PHTF2: variants seen among roughly 807,000 people sequenced by gnomAD.
PHTF2 encodes the protein putative homeodomain transcription factor 2.
In PHTF2, 60 loss-of-function variants were observed where a neutral mutation model predicts 101.2. That is an observed-to-expected ratio of 0.59 (90% CI 0.48 to 0.73). The LOEUF (loss-of-function observed/expected upper bound fraction) is 0.73. PHTF2 is among the 30% of genes least tolerant of loss of function. PHTF2 has a pLI of 0.00. For missense variants in PHTF2, 747 were observed against 908.7 expected, an observed-to-expected ratio of 0.82 and a Z score of 2.29; for synonymous variants, 311 against 307.3, an observed-to-expected ratio of 1.01 and a Z score of -0.13.
intron 3 of PHTF2, among the ~76,000 whole-genome samples, chr7:77,893,072 A>T: frequency 6.6e-6 from 1 of 152,344 alleles, no homozygotes; most frequent in Middle Eastern, 3.4e-3. Flanking sequence ...TCAACATCAG[A>T]ATCATCAAGA....
chr7:77,814,080 A>G (rs1584369667), intron 1 of PHTF2, among the ~76,000 whole-genome samples: 1 of 152,366 alleles, frequency 6.6e-6, no homozygotes. Context: ...AACACAATTC[A>G]GTCCTCATTT....
chr7:77,817,798 G>GT (rs1450087500), intron 1 of PHTF2, among the ~76,000 whole-genome samples: 1 of 152,066 alleles, frequency 6.6e-6, no homozygotes, highest in Non-Finnish European at 1.5e-5. Context: ...TGGATTGTTT[G>GT]TTTTTTGATG....
At chr7:77,817,693 CAATT>C (rs1342200294) in intron 1 of PHTF2, among the ~76,000 whole-genome samples, 4 of 152,206 alleles carry the variant, frequency 2.6e-5, no homozygotes, top group Non-Finnish European at 5.9e-5. Context: ...CAAACCATAT[CAATT>C]AGTGATGTTG....
chr7:77,830,568 G>A (rs930375501), intron 1 of PHTF2, among the ~76,000 whole-genome samples: 4 of 151,340 alleles, frequency 2.6e-5, no homozygotes, highest in Admixed American at 2.0e-4. Context: ...GTATGTGAGA[G>A]ATCTCGGTTG....
chr7:77,833,181 T>C (rs11761228), intron 1 of PHTF2, among the ~76,000 whole-genome samples: 34,043 of 152,098 alleles, frequency 0.22, 4,236 homozygotes, highest in South Asian at 0.29. Context: ...GAGAAACTTA[T>C]GGAGAAAGTG....
chr7:77,917,636 A>G (rs558160820), intron 9 of PHTF2, among the ~76,000 whole-genome samples: 155 of 152,160 alleles, frequency 1.0e-3, no homozygotes, highest in African/African-American at 3.5e-3. Flanking sequence ...TCCATTAGTC[A>G]CCTTTATATA....
At chr7:77,877,962 G>A (rs1031303201) in intron 3 of PHTF2, among the ~76,000 whole-genome samples, 1 of 152,140 alleles carries the variant, frequency 6.6e-6, no homozygotes, top group Non-Finnish European at 1.5e-5. Context: ...GGATGTGCAG[G>A]ATCAAATAAC....
chr7:77,918,863 A>T (rs1313633771), intron 9 of PHTF2, among the ~76,000 whole-genome samples: 1 of 152,200 alleles, frequency 6.6e-6, no homozygotes, highest in Non-Finnish European at 1.5e-5. Flanking sequence ...AACTCTGTGG[A>T]GATGTGCTCT....
chr7:77,799,431 C>T (rs569122743), intron 1 of PHTF2, among the ~76,000 whole-genome samples: 2 of 152,158 alleles, frequency 1.3e-5, no homozygotes, highest in South Asian at 4.2e-4. Flanking sequence ...GGAGCGGGCT[C>T]GGGAGGGGGC....
intron 7 of PHTF2, 42 bp from the exon 7 acceptor site, chr7:77,908,751 A>G (rs768988835): frequency 4.6e-5 from 60 of 1,302,854 alleles, no homozygotes; most frequent in Middle Eastern, 3.8e-4. Context: ...AGAGGTGACT[A>G]TCAGATCTAT....
chr7:77,907,808 T>G (rs2150857863), intron 7 of PHTF2: 1 of 152,348 alleles, frequency 6.6e-6, no homozygotes, highest in South Asian at 2.1e-4. Flanking sequence ...GTGATAACAC[T>G]TAACAAAATG....
chr7:77,924,472 T>C (rs1803777168), intron 11 of PHTF2, among the ~76,000 whole-genome samples: 1 of 152,198 alleles, frequency 6.6e-6, no homozygotes, highest in African/African-American at 2.4e-5. Context: ...TGGAACCTCT[T>C]ATAATATGAT....
chr7:77,863,688 A>G (rs1309345710), intron 3 of PHTF2, among the ~76,000 whole-genome samples: 1 of 151,942 alleles, frequency 6.6e-6, no homozygotes, highest in Non-Finnish European at 1.5e-5. Flanking sequence ...TTCTCTTTCC[A>G]AAAAATCATG....
At chr7:77,887,320 CT>C (rs1434661021) in intron 3 of PHTF2, among the ~76,000 whole-genome samples, 1 of 151,312 alleles carries the variant, frequency 6.6e-6, no homozygotes, top group Non-Finnish European at 1.5e-5. Context: ...GAATTTTCAT[CT>C]GTTTGATATT....
intron 5 of PHTF2, among the ~76,000 whole-genome samples, chr7:77,897,532 A>G (rs1800984954): frequency 6.6e-6 from 1 of 151,932 alleles, no homozygotes; most frequent in Admixed American, 6.6e-5. Flanking sequence ...TTTTTTAAAG[A>G]AAATGTTACT....
intron 9 of PHTF2, among the ~76,000 whole-genome samples, chr7:77,912,122 A>G (rs1048600225): frequency 2.0e-5 from 3 of 152,214 alleles, no homozygotes; most frequent in African/African-American, 4.8e-5. Flanking sequence ...CTCTTATCAA[A>G]TGAGATAGAG....
At chr7:77,947,337 G>A (rs569771136) in intron 16 of PHTF2, among the ~76,000 whole-genome samples, 8 of 152,162 alleles carry the variant, frequency 5.3e-5, no homozygotes, top group East Asian at 1.9e-4. Flanking sequence ...CTACGTGGGC[G>A]GATCACCTGA....
chr7:77,818,820 T>C lies in PHTF2; in HGVS notation c.-36+19849T>C, dbSNP rs183579768. On this transcript the variant is annotated intron_variant, in intron 1 of 19. Coordinates refer to ENST00000416283, the Ensembl canonical transcript of PHTF2. ...GTTATTTTGACATGTGCATTGACTC[T>C]GTAGATTTCTTTGGGTTGTGGGGTC... Among the ~76,000 whole-genome samples the C allele has an allele frequency of 1.1e-4, 16 of 152,260 alleles. No individual in the cohort carries two copies. The East Asian group carries it at 2.3e-3, about 22-fold the overall frequency.
At chr7:77,923,321 C>G in intron 11 of PHTF2, 1 of 946,376 alleles carries the variant, frequency 1.1e-6, no homozygotes, top group Non-Finnish European at 1.3e-6. Flanking sequence ...TTTTCAGTTT[C>G]TAATCTAAGG....
Sources: gnomAD v4.1 joint callset for allele counts (sites outside exome capture counted in the v4.1 genomes callset) on GRCh38, gnomAD v4.1.1 for gene constraint, MANE v1.5 for transcripts, NCBI Gene and HGNC (gene_info 2026-07-23, HGNC 2026-07-21) for gene names.